The following ADAMTS6 variants were observed in gnomAD, a reference collection of about 807,000 sequenced individuals.
ADAMTS6 encodes the protein A disintegrin and metalloproteinase with thrombospondin motifs 6.
ADAMTS6 carries 23 observed loss-of-function variants against 144.3 expected under a neutral mutation model. The observed-to-expected ratio is 0.16, with a 90% confidence interval of 0.11 to 0.23. The LOEUF is 0.23. ADAMTS6 is among the 10% of genes least tolerant of loss of function. The probability of loss-of-function intolerance (pLI) is 1.00; values close to 1 mark genes in which losing one functional copy is unlikely to be tolerated. For synonymous variants in ADAMTS6, 444 were observed against 457.5 expected (o/e 0.97, Z 0.38); for missense variants, 999 against 1,379.6 (o/e 0.72, Z 4.37).
intron 10 of ADAMTS6, chr5:65,297,231 C>A (rs753802903): frequency 2.2e-6 from 1 of 455,582 alleles, no homozygotes; most frequent in Non-Finnish European, 4.4e-6. Context: ...ATTGAATCAC[C>A]GAGTTTAAGA....
At chr5:65,206,797 CTA>C (rs375005301) in intron 20 of ADAMTS6, among the ~76,000 whole-genome samples, 22 of 148,400 alleles carry the variant, frequency 1.5e-4, no homozygotes, top group African/African-American at 4.9e-4. Context: ...TAAATATCTT[CTA>C]TGTTTATATG....
intron 7 of ADAMTS6, among the ~76,000 whole-genome samples, chr5:65,370,932 C>A (rs933651064): frequency 1.3e-5 from 2 of 152,190 alleles, no homozygotes; most frequent in Admixed American, 1.3e-4. Context: ...GATCTGAGAA[C>A]GGGCAGACTG....
chr5:65,462,752 G>A (rs557146447), intron 3 of ADAMTS6, among the ~76,000 whole-genome samples: 12 of 152,332 alleles, frequency 7.9e-5, no homozygotes, highest in African/African-American at 2.9e-4. Context: ...AGTTCCAGCT[G>A]TATCACGTTG....
rs950015491 is a variant in ADAMTS6 at position 65,289,658 on chromosome 5, C to G, written c.1512+1671G>C. 2.1e-4 allele frequency among the ~76,000 whole-genome samples: 32 copies of G among 152,072 alleles called. 1 individual carries two copies. Among genetic ancestry groups the G allele is most frequent in the Non-Finnish European group, 1.8e-4 (12 of 67,990 alleles). On this transcript the variant is annotated intron_variant, in intron 11 of 24. Transcript: ENST00000381055. Reference sequence around the variant, plus strand: ...ATAGATATAGCAAGAAGAATTAAGTCAAATTTTTATTAATTTATTTGAGAG... The same window carrying G: ...ATAGATATAGCAAGAAGAATTAAGTGAAATTTTTATTAATTTATTTGAGAG...
intron 20 of ADAMTS6, among the ~76,000 whole-genome samples, chr5:65,203,732 A>C (rs1755892787): frequency 6.6e-6 from 1 of 152,094 alleles, no homozygotes; most frequent in Non-Finnish European, 1.5e-5. Flanking sequence ...CAAAATCAGG[A>C]TGATCATGCT....
rs114007286 is a variant in ADAMTS6, at chr5:65,260,623, G to A, written c.1807C>T (p.Arg603Trp). The A allele has an allele frequency of 8.1e-4, 1,300 of 1,613,316 alleles. 7 individuals are homozygous for A. The African/African-American group carries it at 0.015, about 18-fold the overall frequency. The change falls in exon 14 of 25, where the codon CGG becomes TGG. Residue 603 changes from arginine to tryptophan, a missense_variant. By Grantham distance (101) the Arg-to-Trp change is moderately radical. Transcript: ENST00000381055. ...GGKYCLGERK[R>W]YRSCNTDPCP... ...ACATCTGTGTTACAGGAGCGATACC[G>A]TTTCCTTTCCCCAAGGCAATATTTT... is the stretch of plus-strand genomic sequence containing the variant.
In ADAMTS6 at chr5:65,397,001, T is replaced by C. The variant is rs1033117934; in HGVS notation, c.1073+54474A>G. 3.9e-5 allele frequency among the ~76,000 whole-genome samples: 6 copies of C among 152,236 alleles called. 1 individual carries two copies. Among genetic ancestry groups the C allele is most frequent in the Admixed American group, 3.9e-4 (6 of 15,288 alleles). Reference sequence around the variant, plus strand: ...GTTTGGGAAGATTATTAACTGTTGGTTCCATTTCTTTAATAGCTAAAAGGT... The same window carrying C: ...GTTTGGGAAGATTATTAACTGTTGGCTCCATTTCTTTAATAGCTAAAAGGT... On this transcript the variant is annotated intron_variant, in intron 7 of 24. Transcript: ENST00000381055.
At chr5:65,311,637 CTATAT>C (rs1215250782) in intron 9 of ADAMTS6, among the ~76,000 whole-genome samples, 1 of 151,886 alleles carries the variant, frequency 6.6e-6, no homozygotes, top group Non-Finnish European at 1.5e-5. Flanking sequence ...TCATTTCCTC[CTATAT>C]TATATGATCC....
chr5:65,155,268 A>G (rs1752345670), intron 24 of ADAMTS6, among the ~76,000 whole-genome samples: 1 of 152,146 alleles, frequency 6.6e-6, no homozygotes, highest in Non-Finnish European at 1.5e-5. Flanking sequence ...AAGTTCAGTC[A>G]TGTGTTGCTC....
At chr5:65,241,028 A>C (rs753587785) in intron 15 of ADAMTS6, among the ~76,000 whole-genome samples, 16 of 152,144 alleles carry the variant, frequency 1.1e-4, no homozygotes, top group Non-Finnish European at 2.4e-4. Flanking sequence ...TAATGACTGC[A>C]ATTTACTTTG....
chr5:65,380,128 T>A (rs1266002898), intron 7 of ADAMTS6, among the ~76,000 whole-genome samples: 3 of 152,146 alleles, frequency 2.0e-5, no homozygotes, highest in South Asian at 2.1e-4. Flanking sequence ...GAACTTTTTT[T>A]TCTCCAGACA....
chr5:65,187,170 C>A (rs1324033708), intron 22 of ADAMTS6, among the ~76,000 whole-genome samples: 2 of 152,308 alleles, frequency 1.3e-5, no homozygotes, highest in East Asian at 3.9e-4. Flanking sequence ...TCATTCTTAA[C>A]ACTTAACACA....
chr5:65,390,484 G>A (rs1373951864), intron 7 of ADAMTS6, among the ~76,000 whole-genome samples: 5 of 152,110 alleles, frequency 3.3e-5, no homozygotes, highest in East Asian at 1.9e-4. Flanking sequence ...ACAACAGAAC[G>A]GTTAATATAC....
At chr5:65,382,568 C>A (rs1412106417) in intron 7 of ADAMTS6, among the ~76,000 whole-genome samples, 1 of 152,226 alleles carries the variant, frequency 6.6e-6, no homozygotes, top group Non-Finnish European at 1.5e-5. Context: ...GACAGCATCA[C>A]ACAAAACACA....
intron 7 of ADAMTS6, among the ~76,000 whole-genome samples, chr5:65,366,935 G>A (rs1750357750): frequency 6.6e-6 from 1 of 152,136 alleles, no homozygotes; most frequent in African/African-American, 2.4e-5. Flanking sequence ...TAACAACCAA[G>A]ACAGACTCTG....
In ADAMTS6 at chr5:65,473,490, A is replaced by T. The variant is rs553463703; in HGVS notation, c.97+87T>A. On this transcript the variant is annotated intron_variant, in intron 2 of 24. Transcript: ENST00000381055. ...CCTATCACTACATATCCCAAAAAAAACTATCCACCCAAACTAAATATGCAG... is the reference window on the plus strand; with the variant it reads ...CCTATCACTACATATCCCAAAAAAATCTATCCACCCAAACTAAATATGCAG... The T allele has an allele frequency of 2.6e-5, 31 of 1,184,958 alleles. No homozygotes were observed. In the East Asian group the frequency reaches 6.8e-4, roughly 26 times the overall value. 73.4% of individuals were successfully genotyped at this position (1,184,958 alleles called of 1,614,324 possible). A position where few individuals can be genotyped will look rare whatever the true frequency, so the allele number is the denominator to read the frequency against.
rs1236107743 is a variant in ADAMTS6 at position 65,168,564 on chromosome 5, C to T, written c.3244+2053G>A. On this transcript the variant is annotated intron_variant, in intron 24 of 24. Coordinates refer to ENST00000381055, the MANE Select transcript of ADAMTS6 (RefSeq NM_197941.4). ...AAGTTCATATGGAACCAAAAAAGAG[C>T]CCGCATCGCCAAGTCAATCCTAAGC... Among the ~76,000 whole-genome samples the T allele has an allele frequency of 4.1e-5, 5 of 122,462 alleles. No individual in the cohort carries two copies. The South Asian group carries it at 9.2e-4, about 22-fold the overall frequency. 80.3% of individuals were successfully genotyped at this position (122,462 alleles called of 152,430 possible).
intron 11 of ADAMTS6, among the ~76,000 whole-genome samples, chr5:65,277,924 G>A (rs1213259449): frequency 1.3e-5 from 2 of 152,104 alleles, no homozygotes; most frequent in East Asian, 1.9e-4. Context: ...AGATTTTAGT[G>A]CACCTCTCAC....
chr5:65,366,992 G>C (rs570208738), intron 7 of ADAMTS6, among the ~76,000 whole-genome samples: 2 of 152,186 alleles, frequency 1.3e-5, no homozygotes, highest in Admixed American at 1.3e-4. Flanking sequence ...GCGGGGGGTG[G>C]GGAGACTTTT....
Sources: allele counts gnomAD v4.1 joint callset (sites outside exome capture counted in the v4.1 genomes callset), GRCh38; gene constraint gnomAD v4.1.1; transcripts MANE v1.5; gene names NCBI Gene and HGNC (gene_info 2026-07-23, HGNC 2026-07-21).